QKI: variants seen among roughly 807,000 people sequenced by gnomAD.
The protein encoded by QKI is KH domain-containing RNA-binding protein QKI.
Under a neutral mutation model 39.0 loss-of-function variants are expected in QKI, and 10 were observed. The ratio of observed to expected loss-of-function variants is 0.26; its 90% CI spans 0.16 to 0.43. The LOEUF is 0.43. QKI is among the 20% of genes least tolerant of loss of function. The pLI, the probability that QKI is intolerant of heterozygous loss-of-function variation, is 1.00. For synonymous variants in QKI, 204 were observed against 155.4 expected (o/e 1.31, Z -2.33); for missense variants, 218 against 428.0 (o/e 0.51, Z 4.33).
chr6:163,545,283 C>T (rs1045704941), intron 4 of QKI, among the ~76,000 whole-genome samples: 1 of 152,208 alleles, frequency 6.6e-6, no homozygotes, highest in Admixed American at 6.6e-5. Context: ...TATTCTATCT[C>T]CACATTTTAG....
chr6:163,434,760 T>A (rs1403044402), intron 1 of QKI, among the ~76,000 whole-genome samples: 3 of 151,946 alleles, frequency 2.0e-5, no homozygotes, highest in African/African-American at 7.2e-5. Context: ...AGATAATCTT[T>A]AAAAAAATTA....
rs1252846390 is a variant in QKI, at chr6:163,571,584, A to C, written c.*874A>C. 2 of 152,142 alleles carry C rather than the reference A, an allele frequency of 1.3e-5. No individual in the cohort carries two copies. Among genetic ancestry groups the C allele is most frequent in the Non-Finnish European group, 2.9e-5 (2 of 68,020 alleles). The allele number at this position is 152,142 out of a possible 1,614,324, so 9.4% of individuals were successfully genotyped here. The stretch of plus-strand genomic sequence containing the variant: ...GCTTGCCTATTTGCTGTATACATGT[A>C]ATGAAATTGTAGATAAAGTGTAGTG... On this transcript the variant is annotated 3_prime_UTR_variant, in exon 8 of 8. Transcript: ENST00000361752.
At position 163,447,246 on chromosome 6, in the gene QKI, G is replaced by A. The variant is rs547252750; in HGVS notation, c.143-8033G>A. Among the ~76,000 whole-genome samples, 693 of 135,354 alleles carry A rather than the reference G, an allele frequency of 5.1e-3. 3 individuals carry two copies. Among genetic ancestry groups the A allele is most frequent in the Middle Eastern group, 7.9e-3 (2 of 254 alleles). The allele number at this position is 135,354 out of a possible 152,430, so 88.8% of individuals were successfully genotyped here. On this transcript the variant is annotated intron_variant, in intron 1 of 7. Coordinates refer to ENST00000361752, the MANE Select transcript of QKI (RefSeq NM_006775.3). ...TATTTTACATATTTATGAGGTGCAC[G>A]TGATTTTTTTTTTTTTTTTTTTTGC...
At chr6:163,519,077 G>A (rs1329145608) in intron 3 of QKI, among the ~76,000 whole-genome samples, 1 of 152,090 alleles carries the variant, frequency 6.6e-6, no homozygotes, top group Non-Finnish European at 1.5e-5. Context: ...GTTGGTATGT[G>A]TTCTGCTTTA....
At chr6:163,464,703 C>G (rs1374934722) in intron 2 of QKI, among the ~76,000 whole-genome samples, 5 of 152,060 alleles carry the variant, frequency 3.3e-5, no homozygotes, top group Admixed American at 3.3e-4. Flanking sequence ...TCAAAACCTC[C>G]CAACAAATAG....
chr6:163,566,191 C>A, intron 6 of QKI: 1 of 1,342,774 alleles, frequency 7.4e-7, no homozygotes, highest in South Asian at 2.0e-5. Context: ...AGTATACTGA[C>A]TGCTAAGTGT....
chr6:163,441,586 T>C (rs1026177661), intron 1 of QKI, among the ~76,000 whole-genome samples: 4 of 152,202 alleles, frequency 2.6e-5, no homozygotes, highest in Admixed American at 6.5e-5. Flanking sequence ...TTAGGAAATA[T>C]GAATTATAGA....
intron 3 of QKI, among the ~76,000 whole-genome samples, chr6:163,515,291 G>A (rs1779724597): frequency 1.3e-5 from 2 of 152,034 alleles, no homozygotes. Flanking sequence ...AGACATATTG[G>A]AAAGCAATTT....
At chr6:163,570,574 T>C (rs1226583614) in intron 7 of QKI, 120 bp from the exon 8 acceptor site, 21 of 1,525,494 alleles carry the variant, frequency 1.4e-5, no homozygotes, top group Non-Finnish European at 1.7e-5. Context: ...TGCTTTTTTT[T>C]TTATTAGTTG....
intron 1 of QKI, chr6:163,416,034 T>C (rs1455122351): frequency 5.9e-6 from 1 of 170,512 alleles, no homozygotes; most frequent in Admixed American, 9.2e-5. Flanking sequence ...GTTAGGGAGT[T>C]GAACTTCACT....
intron 2 of QKI, among the ~76,000 whole-genome samples, chr6:163,464,197 G>C (rs559305130): frequency 6.6e-6 from 1 of 151,574 alleles, no homozygotes; most frequent in African/African-American, 2.4e-5. Flanking sequence ...ATGATATCTC[G>C]CGCAATACAT....
chr6:163,531,904 C>T (rs1212599681), intron 3 of QKI, among the ~76,000 whole-genome samples: 7 of 152,190 alleles, frequency 4.6e-5, no homozygotes, highest in Non-Finnish European at 7.3e-5. Context: ...AAAATTTTTG[C>T]TCCTTCAATT....
chr6:163,497,971 G>A (rs894021795), intron 3 of QKI, among the ~76,000 whole-genome samples: 1 of 151,990 alleles, frequency 6.6e-6, no homozygotes, highest in Non-Finnish European at 1.5e-5. Context: ...TGATACTGCG[G>A]CCTTATGAAG....
chr6:163,432,267 C>T (rs1483150664), intron 1 of QKI, among the ~76,000 whole-genome samples: 1 of 152,146 alleles, frequency 6.6e-6, no homozygotes, highest in Non-Finnish European at 1.5e-5. Flanking sequence ...AAGACAAAGG[C>T]TCTCCTAGGT....
chr6:163,439,354 T>TGGGGGG (rs201292493), intron 1 of QKI, among the ~76,000 whole-genome samples: 1 of 133,362 alleles, frequency 7.5e-6, no homozygotes, highest in Non-Finnish European at 1.6e-5. Flanking sequence ...TTTTTTTTTT[T>TGGGGGG]CGGGGGGGTG....
intron 3 of QKI, among the ~76,000 whole-genome samples, chr6:163,504,973 T>G (rs1274081895): frequency 6.6e-6 from 1 of 152,178 alleles, no homozygotes; most frequent in Admixed American, 6.5e-5. Flanking sequence ...GAAAACCATG[T>G]TTCCTAATAT....
chr6:163,530,469 C>T lies in QKI; in HGVS notation c.403-4513C>T, dbSNP rs1045575378. The stretch of plus-strand genomic sequence containing the variant: ...TTATTGATTTCTCTATAAAATTTGC[C>T]AATCCCAGATTGCCTTTATAATCTG... On this transcript the variant is annotated intron_variant, in intron 3 of 7. Transcript: ENST00000361752. 5.9e-5 allele frequency among the ~76,000 whole-genome samples: 9 copies of T among 152,138 alleles called. 1 individual carries two copies. Among genetic ancestry groups the T allele is most frequent in the Non-Finnish European group, 1.0e-4 (7 of 68,028 alleles).
intron 3 of QKI, among the ~76,000 whole-genome samples, chr6:163,510,237 A>ATAATAG (rs1656649956): frequency 6.9e-6 from 1 of 144,274 alleles, no homozygotes; most frequent in Non-Finnish European, 1.5e-5. Flanking sequence ...AATAATAATA[A>ATAATAG]TAATAATAAT....
chr6:163,558,107 C>G (rs949595787), intron 4 of QKI, among the ~76,000 whole-genome samples: 2 of 152,170 alleles, frequency 1.3e-5, no homozygotes, highest in African/African-American at 4.8e-5. Context: ...TTGACATGTA[C>G]AACTTCAGGA....
Sources: allele counts gnomAD v4.1 joint callset (sites outside exome capture counted in the v4.1 genomes callset), GRCh38; gene constraint gnomAD v4.1.1; transcripts MANE v1.5; gene names NCBI Gene and HGNC (gene_info 2026-07-23, HGNC 2026-07-21).